The following FRY variants were observed in gnomAD, a reference collection of about 807,000 sequenced individuals.
FRY encodes the protein FRY microtubule binding protein, also known as protein furry homolog.
Under a neutral mutation model 348.4 loss-of-function variants are expected in FRY, and 128 were observed. The observed-to-expected ratio is 0.37, with a 90% CI of 0.32 to 0.43. The LOEUF (loss-of-function observed/expected upper bound fraction) is 0.43, where lower values mean the gene tolerates loss of function less well. Ranked by LOEUF, FRY falls within the 20% of genes least tolerant of loss-of-function variation. The pLI, the probability that FRY is intolerant of heterozygous loss-of-function variation, is 1.00. For synonymous variants in FRY, 1,370 were observed against 1,374.7 expected, an observed-to-expected ratio of 1.00 and a Z score of 0.08; for missense variants, 2,736 against 3,695.2, an observed-to-expected ratio of 0.74 and a Z score of 6.73.
intron 31 of FRY, among the ~76,000 whole-genome samples, chr13:32,203,369 ATAG>A (rs1593735253): frequency 6.6e-6 from 1 of 152,198 alleles, no homozygotes; most frequent in East Asian, 1.9e-4. Flanking sequence ...TTGGCTTTGC[ATAG>A]TGGATGGACT....
intron 40 of FRY, among the ~76,000 whole-genome samples, chr13:32,230,422 C>G (rs970418557): frequency 1.3e-5 from 2 of 152,104 alleles, no homozygotes; most frequent in Non-Finnish European, 2.9e-5. Flanking sequence ...TGGTGGCACA[C>G]TATTCCATGG....
chr13:32,073,889 G>A (rs979313057), intron 1 of FRY, among the ~76,000 whole-genome samples: 2 of 152,186 alleles, frequency 1.3e-5, no homozygotes, highest in African/African-American at 4.8e-5. Flanking sequence ...AAATGTAGCT[G>A]AACTATGAGC....
intron 40 of FRY, among the ~76,000 whole-genome samples, chr13:32,228,979 T>C (rs1451860734): frequency 6.6e-6 from 1 of 152,156 alleles, no homozygotes; most frequent in East Asian, 1.9e-4. Flanking sequence ...TAGCCATCTA[T>C]CAGAGCTGCC....
intron 26 of FRY, 149 bp downstream of exon 26, chr13:32,185,297 A>G: frequency 1.4e-6 from 1 of 719,464 alleles, no homozygotes; most frequent in Non-Finnish European, 2.5e-6. Flanking sequence ...GGACATATAT[A>G]TGAGAACAGA....
intron 2 of FRY, among the ~76,000 whole-genome samples, chr13:32,095,316 G>C (rs917841872): frequency 1.1e-5 from 1 of 89,062 alleles, no homozygotes; most frequent in Non-Finnish European, 2.4e-5. Context: ...TTTGTTGATT[G>C]TTTCCTTTGC....
chr13:32,164,099 A>G (rs1270879241), intron 17 of FRY, among the ~76,000 whole-genome samples: 1 of 152,200 alleles, frequency 6.6e-6, no homozygotes, highest in African/African-American at 2.4e-5. Flanking sequence ...AACCTGTGAG[A>G]AAATGACCCT....
intron 1 of FRY, among the ~76,000 whole-genome samples, chr13:32,042,677 C>G (rs1872807524): frequency 6.6e-6 from 1 of 152,176 alleles, no homozygotes; most frequent in African/African-American, 2.4e-5. Context: ...GAAGGAGGCC[C>G]AGGTTAGGGC....
chr13:32,093,996 G>T (rs950487172), intron 2 of FRY, among the ~76,000 whole-genome samples: 1 of 152,128 alleles, frequency 6.6e-6, no homozygotes, highest in African/African-American at 2.4e-5. Context: ...TTGATGAATG[G>T]CATCATTATT....
chr13:32,095,921 T>A (rs1876674109), intron 2 of FRY, among the ~76,000 whole-genome samples: 1 of 152,064 alleles, frequency 6.6e-6, no homozygotes, highest in South Asian at 2.1e-4. Context: ...TTTTTATCTC[T>A]CTATCCTTCC....
chr13:32,072,823 AAATG>A (rs1289869315), intron 1 of FRY, among the ~76,000 whole-genome samples: 1 of 152,232 alleles, frequency 6.6e-6, no homozygotes, highest in East Asian at 1.9e-4. Flanking sequence ...AGAACCTGAA[AAATG>A]AATGAAGTAT....
chr13:32,161,925 C>T (rs1169783257), intron 17 of FRY, among the ~76,000 whole-genome samples: 5 of 152,162 alleles, frequency 3.3e-5, no homozygotes, highest in Non-Finnish European at 2.9e-5. Flanking sequence ...TGATCTGGAG[C>T]TCCAGTTGAC....
At chr13:32,183,904 A>T (rs1027333949) in intron 24 of FRY, among the ~76,000 whole-genome samples, 3 of 152,162 alleles carry the variant, frequency 2.0e-5, no homozygotes, top group Admixed American at 2.0e-4. Flanking sequence ...TGGGAGGCCA[A>T]TGTAGAAGGA....
At chr13:32,212,998 C>G (rs1457542314) in intron 35 of FRY, among the ~76,000 whole-genome samples, 1 of 151,752 alleles carries the variant, frequency 6.6e-6, no homozygotes, top group Non-Finnish European at 1.5e-5. Context: ...GGGAGACAAA[C>G]CAGGAGAGAA....
chr13:32,168,625 C>T (rs1304307800), intron 17 of FRY, among the ~76,000 whole-genome samples: 1 of 152,226 alleles, frequency 6.6e-6, no homozygotes, highest in African/African-American at 2.4e-5. Flanking sequence ...ATTCTTCTTT[C>T]AGCAACTACT....
At chr13:32,203,880 T>C (rs1884192597) in intron 31 of FRY, among the ~76,000 whole-genome samples, 1 of 152,212 alleles carries the variant, frequency 6.6e-6, no homozygotes, top group Non-Finnish European at 1.5e-5. Flanking sequence ...TCCCTGCCTC[T>C]GCATTACCTA....
At chr13:32,282,906 C>T (rs1355804003) in intron 58 of FRY, among the ~76,000 whole-genome samples, 1 of 151,964 alleles carries the variant, frequency 6.6e-6, no homozygotes, top group African/African-American at 2.4e-5. Context: ...ACTTTGGGAG[C>T]GTGAGGCAGG....
At chr13:32,137,670 A>G (rs1879805631) in intron 11 of FRY, among the ~76,000 whole-genome samples, 1 of 152,218 alleles carries the variant, frequency 6.6e-6, no homozygotes, top group East Asian at 1.9e-4. Flanking sequence ...TGAAATGAAA[A>G]CTATCCCTAA....
chr13:32,238,899 C>T (rs370422488), intron 44 of FRY, among the ~76,000 whole-genome samples: 9 of 152,304 alleles, frequency 5.9e-5, no homozygotes, highest in African/African-American at 2.2e-4. Flanking sequence ...TATGTCCTCT[C>T]ACACCAGTTT....
intron 2 of FRY, among the ~76,000 whole-genome samples, chr13:32,094,483 A>G (rs1245618286): frequency 6.6e-6 from 1 of 151,650 alleles, no homozygotes; most frequent in East Asian, 1.9e-4. Context: ...TTTTTTACCC[A>G]TTAACTATCC....
Sources: gnomAD v4.1 joint callset for allele counts (sites outside exome capture counted in the v4.1 genomes callset) on GRCh38, gnomAD v4.1.1 for gene constraint, MANE v1.5 for transcripts, NCBI Gene and HGNC (gene_info 2026-07-23, HGNC 2026-07-21) for gene names.